Variants in CSTF1 observed in about 807,000 individuals in gnomAD.
CSTF1 encodes the protein cleavage stimulation factor subunit 1.
CSTF1 carries 2 observed loss-of-function variants against 40.9 expected under a neutral mutation model. The ratio of observed to expected loss-of-function variants is 0.05; its 90% CI spans 0.02 to 0.15. CSTF1 has a LOEUF of 0.15. Among genes scored for constraint, CSTF1 ranks in the 10% least tolerant of loss-of-function variants. The pLI is 1.00. For missense variants in CSTF1, 279 were observed against 558.9 expected (o/e 0.50, Z 5.05); for synonymous variants, 218 against 207.2 (o/e 1.05, Z -0.45).
At chr20:56,393,444 C>G (rs1289368960) in intron 1 of CSTF1, among the ~76,000 whole-genome samples, 1 of 152,054 alleles carries the variant, frequency 6.6e-6, no homozygotes, top group African/African-American at 2.4e-5. Context: ...TTTTCTTTGC[C>G]AGACTACCCA....
rs1484026581 is a variant in CSTF1, at chr20:56,397,863, C to G, written c.645+22C>G. 1.9e-6 allele frequency: 3 copies of G among 1,561,576 alleles called. No homozygotes were observed. Among genetic ancestry groups the G allele is most frequent in the African/African-American group, 2.7e-5 (2 of 73,232 alleles). On this transcript the variant is annotated intron_variant, in intron 4 of 5. Coordinates refer to ENST00000217109, the MANE Select transcript of CSTF1 (RefSeq NM_001324.3). This position sits in a 1 kb window ranked among gnomAD's most constrained non-coding sequence, Gnocchi z 4.4. ...TCAGGTAGGAATCTTTAGAAAGGAG[C>G]TTTACATTTTTTCTTAAATACAATG... is the stretch of plus-strand genomic sequence containing the variant.
intron 5 of CSTF1, among the ~76,000 whole-genome samples, chr20:56,402,896 C>CT (rs1978522622): frequency 6.7e-6 from 1 of 150,174 alleles, no homozygotes; most frequent in Non-Finnish European, 1.5e-5. Context: ...GATCACGCCA[C>CT]TGCACTCCAG....
intron 5 of CSTF1, among the ~76,000 whole-genome samples, 168 bp from the exon 6 acceptor site, chr20:56,403,300 G>A (rs755516715): frequency 1.3e-5 from 2 of 152,072 alleles, no homozygotes; most frequent in African/African-American, 2.4e-5. Flanking sequence ...ACAGACGTGA[G>A]CCACTGTGCC....
chr20:56,394,590 A>G (rs1987462848), intron 1 of CSTF1, among the ~76,000 whole-genome samples: 1 of 152,220 alleles, frequency 6.6e-6, no homozygotes, highest in African/African-American at 2.4e-5. Context: ...CCGTCTCAAA[A>G]AGAAAAAAGA....
intron 2 of CSTF1, 117 bp downstream of exon 2, chr20:56,395,838 T>G: frequency 9.3e-7 from 1 of 1,073,270 alleles, no homozygotes; most frequent in Non-Finnish European, 1.3e-6. Flanking sequence ...GCCGGGTACT[T>G]CAGTAAGTAA....
At chr20:56,396,505 G>C (rs1600728968) in intron 2 of CSTF1, among the ~76,000 whole-genome samples, 1 of 152,140 alleles carries the variant, frequency 6.6e-6, no homozygotes, top group Admixed American at 6.5e-5. Flanking sequence ...AAGTGAACAA[G>C]TGAGTCACAA....
intron 1 of CSTF1, among the ~76,000 whole-genome samples, chr20:56,394,029 AG>A (rs1987431233): frequency 6.6e-6 from 1 of 152,162 alleles, no homozygotes. Flanking sequence ...ACCTTGGACA[AG>A]TAACTCAGCC....
Position 56,399,477 on chromosome 20 carries a change from C to T in CSTF1, c.1036+120C>T. On this transcript the variant is annotated intron_variant, in intron 5 of 5. Coordinates refer to ENST00000217109, the MANE Select transcript of CSTF1 (RefSeq NM_001324.3). The surrounding 1 kb of genome is among the most constrained non-coding windows in gnomAD (Gnocchi z 4.6). ...ATGCATTGAGCAAGGCAGATGTTACCCTTTCTTAGATAAGAGGAAACCAAG... is the reference window on the plus strand; with the variant it reads ...ATGCATTGAGCAAGGCAGATGTTACTCTTTCTTAGATAAGAGGAAACCAAG... 1 of 933,126 alleles carries T rather than the reference C, an allele frequency of 1.1e-6. No individual in the cohort carries two copies. The highest frequency in any genetic ancestry group is 1.6e-6 in the Non-Finnish European group (1 of 625,588). 57.8% of individuals were successfully genotyped at this position (933,126 alleles called of 1,614,324 possible).
intron 1 of CSTF1, among the ~76,000 whole-genome samples, chr20:56,393,444 C>T (rs1289368960): frequency 6.6e-6 from 1 of 152,054 alleles, no homozygotes; most frequent in African/African-American, 2.4e-5. Flanking sequence ...TTTTCTTTGC[C>T]AGACTACCCA....
Position 56,395,788 on chromosome 20 carries a change from T to C in CSTF1, c.169+67T>C, listed in dbSNP as rs542572261. On this transcript the variant is annotated intron_variant, in intron 2 of 5. Transcript: ENST00000217109. ...TTAGATATTTTCATATGGCAGAATT[T>C]TTCAAGATTATTCTTGTTTTGTTTC... 1.6e-4 allele frequency: 246 copies of C among 1,550,274 alleles called. 1 individual carries two copies. The African/African-American group carries it at 3.2e-3, about 20-fold the overall frequency.
In CSTF1 at chr20:56,405,110, C is replaced by T. The variant is rs1978649950; in HGVS notation, c.*1383C>T. On this transcript the variant is annotated 3_prime_UTR_variant, in exon 6 of 6. Coordinates refer to ENST00000217109, the MANE Select transcript of CSTF1 (RefSeq NM_001324.3). The stretch of plus-strand genomic sequence containing the variant: ...ATACCTTATGATCTGCATAGGAGTA[C>T]CTAGAAATATAATCTGGGATCATTT... 1 of 151,964 alleles carries T rather than the reference C, an allele frequency of 6.6e-6. No homozygotes were observed. Among genetic ancestry groups the T allele is most frequent in the East Asian group, 1.9e-4 (1 of 5,188 alleles). The allele number at this position is 151,964 out of a possible 1,614,324, so 9.4% of individuals were successfully genotyped here.
chr20:56,396,596 C>T (rs1293842501), intron 2 of CSTF1, among the ~76,000 whole-genome samples: 1 of 151,898 alleles, frequency 6.6e-6, no homozygotes, highest in Admixed American at 6.6e-5. Flanking sequence ...GAATTTATAC[C>T]GATACGTTAA....
intron 5 of CSTF1, among the ~76,000 whole-genome samples, chr20:56,402,853 C>G (rs763862022): frequency 6.6e-6 from 1 of 150,788 alleles, no homozygotes; most frequent in Non-Finnish European, 1.5e-5. Flanking sequence ...GAGAATCACT[C>G]GAACCCAGGA....
chr20:56,397,133 A>C lies in CSTF1; in HGVS notation c.170-74A>C. The C allele has an allele frequency of 6.7e-7, 1 of 1,496,364 alleles. No individual in the cohort carries two copies. Among genetic ancestry groups the C allele is most frequent in the Non-Finnish European group, 9.1e-7 (1 of 1,101,272 alleles). The allele number at this position is 1,496,364 out of a possible 1,614,324, so 92.7% of individuals were successfully genotyped here. On this transcript the variant is annotated intron_variant, in intron 2 of 5. Transcript: ENST00000217109. This position sits in a 1 kb window ranked among gnomAD's most constrained non-coding sequence, Gnocchi z 4.4. ...ACTGGTGAGCATCTTTCCAGTTTGGATCTAGAATTTTATCTTGGCCTTTTT... is the reference window on the plus strand; with the variant it reads ...ACTGGTGAGCATCTTTCCAGTTTGGCTCTAGAATTTTATCTTGGCCTTTTT...
rs372387785 is a variant in CSTF1 at position 56,403,268 on chromosome 20, A to G, written c.1037-200A>G. ...TGGGCTCAAGCAGCCCTCCTTCCTC[A>G]GCCTCCCAAAGTACTGGGATTACAG... On this transcript the variant is annotated intron_variant, in intron 5 of 5. Coordinates refer to ENST00000217109, the MANE Select transcript of CSTF1 (RefSeq NM_001324.3). Among the ~76,000 whole-genome samples, 19 of 151,668 alleles carry G rather than the reference A, an allele frequency of 1.3e-4. No individual in the cohort carries two copies. In the East Asian group the frequency reaches 3.5e-3, roughly 28 times the overall value.
At position 56,403,818 on chromosome 20, in the gene CSTF1, T is replaced by C. The variant is rs768650822; in HGVS notation, c.*91T>C. 7.5e-7 allele frequency: 1 copy of C among 1,340,816 alleles called. No homozygotes were observed. The highest frequency in any genetic ancestry group is 1.0e-6 in the Non-Finnish European group (1 of 972,860). 83.1% of individuals were successfully genotyped at this position (1,340,816 alleles called of 1,614,324 possible). On this transcript the variant is annotated 3_prime_UTR_variant, in exon 6 of 6. Coordinates refer to ENST00000217109, the MANE Select transcript of CSTF1 (RefSeq NM_001324.3). ...GCAGTCGTAAGTCCGTGCACCATCC[T>C]TGACGTTTTGCTGCCACCTCTGTCC...
chr20:56,403,535 G>A lies in CSTF1; in HGVS notation c.1104G>A (p.Val368=), dbSNP rs775184359. 3.7e-6 allele frequency: 6 copies of A among 1,614,006 alleles called. No individual in the cohort carries two copies. The African/African-American group carries it at 8.0e-5, about 22-fold the overall frequency. Residue 368 remains valine, a synonymous_variant, in exon 6 of 6, where the codon GTG becomes GTA. Transcript: ENST00000217109. ...TGTTTAACCACACCGAGGACTATGT[G>A]TTGCTGCCCGACGAGAGGACGATCA... is the stretch of plus-strand genomic sequence containing the variant. ...QAVFNHTEDY[V]LLPDERTISL... is the part of the protein sequence containing the mutation.
rs762162643 is a variant in CSTF1 at position 56,406,352 on chromosome 20, A to T, written c.*2625A>T. 6.6e-6 allele frequency: 1 copy of T among 151,940 alleles called. No homozygotes were observed. The highest frequency in any genetic ancestry group is 1.5e-5 in the Non-Finnish European group (1 of 68,008). 9.4% of individuals were successfully genotyped at this position (151,940 alleles called of 1,614,324 possible). ...ATACGTGATTTCTGAAATAAACTTT[A>T]TATACAATGATAAGCTAGTTTATTT... On this transcript the variant is annotated 3_prime_UTR_variant, in exon 6 of 6. Coordinates refer to ENST00000217109, the MANE Select transcript of CSTF1 (RefSeq NM_001324.3).
intron 5 of CSTF1, among the ~76,000 whole-genome samples, chr20:56,401,573 AT>A (rs1272802783): frequency 3.3e-5 from 5 of 152,246 alleles, no homozygotes; most frequent in African/African-American, 1.2e-4. Context: ...TAAAGAGGTA[AT>A]TGGACAGACA....
Sources: gnomAD v4.1 joint callset for allele counts (sites outside exome capture counted in the v4.1 genomes callset) on GRCh38, gnomAD v4.1.1 for gene constraint, Gnocchi (gnomAD v3.1) non-coding constraint, MANE v1.5 for transcripts, NCBI Gene and HGNC (gene_info 2026-07-23, HGNC 2026-07-21) for gene names.